CDH13: variants seen among roughly 807,000 people sequenced by gnomAD.
CDH13 encodes the protein cadherin-13.
A neutral mutation model predicts 63.8 loss-of-function variants in CDH13; 24 were observed. The ratio of observed to expected loss-of-function variants is 0.38; its 90% CI spans 0.27 to 0.53. The LOEUF is 0.53. CDH13 is among the 20% of genes least tolerant of loss of function. The probability of loss-of-function intolerance (pLI) is 0.85; values close to 1 mark genes in which losing one functional copy is unlikely to be tolerated. For missense variants in CDH13, 1,049 were observed against 903.1 expected, an observed-to-expected ratio of 1.16 and a Z score of -2.07; for synonymous variants, 503 against 355.3, an observed-to-expected ratio of 1.42 and a Z score of -4.67.
intron 1 of CDH13, among the ~76,000 whole-genome samples, chr16:82,708,398 G>A (rs1402579177): frequency 1.3e-5 from 2 of 152,172 alleles, no homozygotes; most frequent in Non-Finnish European, 2.9e-5. Context: ...GCATCAGAGT[G>A]CAGGAGCCTA....
chr16:83,775,460 A>G (rs2151002794), intron 11 of CDH13, among the ~76,000 whole-genome samples: 1 of 152,208 alleles, frequency 6.6e-6, no homozygotes, highest in Non-Finnish European at 1.5e-5. Context: ...CTACAAACTC[A>G]GCCAGACCCC....
chr16:82,864,086 G>T (rs1191947486), intron 2 of CDH13, among the ~76,000 whole-genome samples: 1 of 152,172 alleles, frequency 6.6e-6, no homozygotes, highest in Admixed American at 6.5e-5. Flanking sequence ...TGTGAAAAAT[G>T]CACCAAATAT....
intron 6 of CDH13, among the ~76,000 whole-genome samples, chr16:83,465,133 A>G (rs1453839495): frequency 6.6e-6 from 1 of 152,260 alleles, no homozygotes; most frequent in Non-Finnish European, 1.5e-5. Context: ...GGGATTCATT[A>G]ATCAACGAGC....
chr16:83,057,850 A>T (rs1309425617), intron 3 of CDH13, among the ~76,000 whole-genome samples: 1 of 152,242 alleles, frequency 6.6e-6, no homozygotes, highest in East Asian at 1.9e-4. Context: ...GGTACTAAGA[A>T]AGAAAAATGC....
At position 83,048,563 on chromosome 16, in the gene CDH13, T is replaced by G. The variant is rs1312521068; in HGVS notation, c.366+16345T>G. Among the ~76,000 whole-genome samples, 5 of 152,356 alleles carry G rather than the reference T, an allele frequency of 3.3e-5. 1 individual carries two copies. The East Asian group carries it at 9.6e-4, about 29-fold the overall frequency. On this transcript the variant is annotated intron_variant, in intron 3 of 13. Transcript: ENST00000567109. The stretch of plus-strand genomic sequence containing the variant: ...TTGTACTCTAGTGCCTACAGTTTTC[T>G]GTAGCTGGCCTTGCGGGTTCCTCTG...
At chr16:83,094,082 T>C (rs926313457) in intron 3 of CDH13, among the ~76,000 whole-genome samples, 5 of 152,170 alleles carry the variant, frequency 3.3e-5, no homozygotes, top group African/African-American at 1.2e-4. Flanking sequence ...TCTCAGGATA[T>C]ATTACTCAGC....
intron 4 of CDH13, among the ~76,000 whole-genome samples, chr16:83,143,790 G>A (rs1300733383): frequency 6.6e-6 from 1 of 151,960 alleles, no homozygotes; most frequent in African/African-American, 2.4e-5. Flanking sequence ...TTCGTTTCCA[G>A]GCTTTCTCAC....
At chr16:83,233,447 G>A (rs1047437464) in intron 5 of CDH13, among the ~76,000 whole-genome samples, 5 of 152,192 alleles carry the variant, frequency 3.3e-5, no homozygotes, top group Non-Finnish European at 7.3e-5. Context: ...ATTACTGCAG[G>A]CTTGGTGGCT....
intron 7 of CDH13, among the ~76,000 whole-genome samples, chr16:83,495,583 T>TC (rs776306504): frequency 3.2e-4 from 48 of 152,164 alleles, no homozygotes; most frequent in Non-Finnish European, 6.0e-4. Flanking sequence ...ATAGTTTTTT[T>TC]CCCCCATAAG....
intron 2 of CDH13, among the ~76,000 whole-genome samples, chr16:82,912,898 A>G (rs1037633719): frequency 2.0e-5 from 3 of 151,484 alleles, no homozygotes; most frequent in African/African-American, 2.4e-5. Flanking sequence ...AGCCGAGATC[A>G]CGCCACTGCA....
At chr16:83,503,366 G>T (rs1217594365) in intron 7 of CDH13, among the ~76,000 whole-genome samples, 1 of 152,214 alleles carries the variant, frequency 6.6e-6, no homozygotes, top group Non-Finnish European at 1.5e-5. Context: ...ACCTAAATTA[G>T]AGAGATTCGG....
chr16:83,374,952 C>G (rs984028253), intron 6 of CDH13, among the ~76,000 whole-genome samples: 2 of 152,158 alleles, frequency 1.3e-5, no homozygotes, highest in Non-Finnish European at 2.9e-5. Context: ...TTTGAGTCAA[C>G]TTTTTGATAA....
intron 3 of CDH13, among the ~76,000 whole-genome samples, chr16:83,093,287 A>G (rs927310722): frequency 3.6e-5 from 5 of 140,390 alleles, no homozygotes; most frequent in African/African-American, 1.1e-4. Flanking sequence ...TGGAAACACC[A>G]TAAGTACTTT....
rs759038532 is a variant in CDH13, at chr16:83,047,237, AT to A, written c.366+15022del. Among the ~76,000 whole-genome samples, 2 of 151,762 alleles carry A rather than the reference AT, an allele frequency of 1.3e-5. No individual in the cohort carries two copies. Among genetic ancestry groups the A allele is most frequent in the Non-Finnish European group, 1.5e-5 (1 of 67,804 alleles). ...TCACTCTTACTCCAGAGGCCTGTGT[AT>A]TTATTTATTTATTTATTTTTTTGGT... On this transcript the variant is annotated intron_variant, in intron 3 of 13. Transcript: ENST00000567109. This position sits in a 1 kb window ranked among gnomAD's most constrained non-coding sequence, Gnocchi z 4.9.
chr16:83,509,580 T>A (rs1598186210), intron 7 of CDH13, among the ~76,000 whole-genome samples: 1 of 152,130 alleles, frequency 6.6e-6, no homozygotes. Flanking sequence ...TGACCTCTGA[T>A]TTAAAGAGTG....
At chr16:82,793,681 C>A (rs904072144) in intron 1 of CDH13, among the ~76,000 whole-genome samples, 1 of 152,154 alleles carries the variant, frequency 6.6e-6, no homozygotes, top group African/African-American at 2.4e-5. Flanking sequence ...TTCTCCGCAG[C>A]CTCCTTCCTC....
At chr16:83,031,900 C>T in intron 2 of CDH13, 110 bp from the exon 3 acceptor site, 2 of 845,430 alleles carry the variant, frequency 2.4e-6, no homozygotes, top group South Asian at 1.7e-5. Context: ...CATTTGTGAA[C>T]TCTGGGTTGG....
At chr16:83,119,590 T>C (rs775463132) in intron 3 of CDH13, among the ~76,000 whole-genome samples, 6 of 152,242 alleles carry the variant, frequency 3.9e-5, no homozygotes, top group Non-Finnish European at 7.3e-5. Context: ...GTCTCTTGAA[T>C]TGATTACATT....
At chr16:83,691,394 C>T (rs1027145831) in intron 10 of CDH13, among the ~76,000 whole-genome samples, 1 of 152,044 alleles carries the variant, frequency 6.6e-6, no homozygotes, top group African/African-American at 2.4e-5. Flanking sequence ...GACTATGATC[C>T]CCAAAGAGGG....
Sources: gnomAD v4.1 joint callset for allele counts (sites outside exome capture counted in the v4.1 genomes callset) on GRCh38, gnomAD v4.1.1 for gene constraint, Gnocchi (gnomAD v3.1) non-coding constraint, MANE v1.5 for transcripts, NCBI Gene and HGNC (gene_info 2026-07-23, HGNC 2026-07-21) for gene names.